The following GCSH variants were observed in gnomAD, a reference collection of about 807,000 sequenced individuals.
The protein encoded by GCSH is glycine cleavage system protein H, also known as glycine cleavage system H protein, mitochondrial.
Under a neutral mutation model 21.3 loss-of-function variants are expected in GCSH, and 15 were observed. The ratio of observed to expected loss-of-function variants is 0.70; its 90% confidence interval spans 0.47 to 1.08. GCSH has a LOEUF of 1.08. GCSH is among the 50% of genes least tolerant of loss of function. The pLI, the probability that GCSH is intolerant of heterozygous loss-of-function variation, is 0.00. For synonymous variants in GCSH, 59 were observed against 84.5 expected (o/e 0.70, Z 1.66); for missense variants, 179 against 217.5 (o/e 0.82, Z 1.11).
intron 4 of GCSH, chr16:81,084,032 G>C (rs1597163198): frequency 9.8e-6 from 2 of 204,160 alleles, no homozygotes; most frequent in East Asian, 1.2e-4. Context: ...GAGTGGAGTG[G>C]TGCGATCTTG....
chr16:81,096,039 G>A, intron 1 of GCSH, 92 bp downstream of exon 1: 1 of 1,085,200 alleles, frequency 9.2e-7, no homozygotes, highest in Non-Finnish European at 1.2e-6. Flanking sequence ...TGGCTCAGGA[G>A]CGGTGCCCCG....
intron 4 of GCSH, chr16:81,083,188 A>T: frequency 1.9e-6 from 1 of 535,296 alleles, no homozygotes; most frequent in Non-Finnish European, 3.4e-6. Flanking sequence ...TAAATTAAGA[A>T]CTCTTAGGTT....
intron 2 of GCSH, among the ~76,000 whole-genome samples, chr16:81,089,946 T>C (rs1247418812): frequency 6.6e-6 from 1 of 152,198 alleles, no homozygotes; most frequent in East Asian, 1.9e-4. Flanking sequence ...AATTGCCCAG[T>C]ACAAAACACA....
intron 1 of GCSH, 172 bp from the exon 2 acceptor site, chr16:81,090,852 C>T: frequency 1.5e-6 from 1 of 675,476 alleles, no homozygotes; most frequent in Admixed American, 2.1e-5. Context: ...AGAGATGACG[C>T]ATTTAAACAG....
chr16:81,084,961 C>T (rs775567755), intron 3 of GCSH, among the ~76,000 whole-genome samples: 20 of 149,972 alleles, frequency 1.3e-4, no homozygotes, highest in Non-Finnish European at 1.9e-4. Context: ...GTGATCCGCC[C>T]GCCTCGGCCT....
At chr16:81,091,937 T>C (rs577833147) in intron 1 of GCSH, among the ~76,000 whole-genome samples, 2 of 152,194 alleles carry the variant, frequency 1.3e-5, no homozygotes, top group South Asian at 2.1e-4. Flanking sequence ...TAATTCAATA[T>C]TGCTTTCTTT....
chr16:81,083,269 G>C (rs556854337), intron 4 of GCSH: 70 of 349,676 alleles, frequency 2.0e-4, no homozygotes, highest in African/African-American at 1.4e-3. Flanking sequence ...TGTAATCCCA[G>C]TACTTTGGGA....
Position 81,096,306 on chromosome 16 carries a change from C to G in GCSH, c.-28G>C. 7.4e-7 allele frequency: 1 copy of G among 1,355,692 alleles called. No homozygotes were observed. The highest frequency in any genetic ancestry group is 9.4e-7 in the Non-Finnish European group (1 of 1,059,972). 84.0% of individuals were successfully genotyped at this position (1,355,692 alleles called of 1,614,324 possible). On this transcript the variant is annotated 5_prime_UTR_variant, in exon 1 of 5. Transcript: ENST00000315467. ...TCGCAGGGGTGCGGGGGTCGCAGCGCTACGCCTCGGCCACCCGCGCCGGGA... is the reference window on the plus strand; with the variant it reads ...TCGCAGGGGTGCGGGGGTCGCAGCGGTACGCCTCGGCCACCCGCGCCGGGA...
At position 81,096,296 on chromosome 16, in the gene GCSH, G is replaced by C. The variant is rs758756468; in HGVS notation, c.-18C>G. On this transcript the variant is annotated 5_prime_UTR_variant, in exon 1 of 5. Coordinates refer to ENST00000315467, the MANE Select transcript of GCSH (RefSeq NM_004483.5). ...AGCGCCATGTTCGCAGGGGTGCGGG[G>C]GTCGCAGCGCTACGCCTCGGCCACC... The C allele has an allele frequency of 5.1e-6, 7 of 1,364,594 alleles. No individual in the cohort carries two copies. The highest frequency in any genetic ancestry group is 3.1e-5 in the East Asian group (1 of 32,054). 84.5% of individuals were successfully genotyped at this position (1,364,594 alleles called of 1,614,324 possible).
Position 81,090,684 on chromosome 16 carries a change from A to T in GCSH, c.149-4T>A. On this transcript the variant is annotated splice_region_variant and splice_polypyrimidine_tract_variant and intron_variant, in intron 1 of 4. Coordinates refer to ENST00000315467, the MANE Select transcript of GCSH (RefSeq NM_004483.5). ...TGTTTCTCTGTGAATTTACGCACTA[A>T]AACAGAAGACCAACATTTCAGAAAA... 1 of 1,600,502 alleles carries T rather than the reference A, an allele frequency of 6.2e-7. No homozygotes were observed. The highest frequency in any genetic ancestry group is 1.1e-5 in the South Asian group (1 of 90,844).
intron 2 of GCSH, among the ~76,000 whole-genome samples, chr16:81,088,828 C>T (rs1972335463): frequency 6.6e-6 from 1 of 152,214 alleles, no homozygotes; most frequent in Admixed American, 6.6e-5. Flanking sequence ...ATAGTCCTCA[C>T]ACCTTGTACT....
intron 2 of GCSH, among the ~76,000 whole-genome samples, chr16:81,089,310 G>T (rs897422591): frequency 6.6e-6 from 1 of 152,164 alleles, no homozygotes; most frequent in African/African-American, 2.4e-5. Context: ...AATCCAAAAC[G>T]CTCCAATGAG....
chr16:81,087,496 C>CAAAA (rs373753780), intron 3 of GCSH, 105 bp downstream of exon 3: 2 of 720,282 alleles, frequency 2.8e-6, no homozygotes, highest in Non-Finnish European at 2.3e-6. Context: ...AGACTGTCTC[C>CAAAA]AAAAAAAAAA....
chr16:81,091,105 A>C (rs1972389322), intron 1 of GCSH: 1 of 454,784 alleles, frequency 2.2e-6, no homozygotes, highest in Non-Finnish European at 4.4e-6. Flanking sequence ...GAAATGATTT[A>C]ACCTAAAAAA....
Position 81,082,169 on chromosome 16 carries a change from C to T in GCSH, c.*697G>A, listed in dbSNP as rs368473685. On this transcript the variant is annotated 3_prime_UTR_variant, in exon 5 of 5. Transcript: ENST00000315467. ...GTGACAGATCTTGGCTTAAGAAAAA[C>T]CAGATTTGTGACTAAAGAAAACATT... 2.2e-6 allele frequency: 1 copy of T among 454,010 alleles called. No individual in the cohort carries two copies. Among genetic ancestry groups the T allele is most frequent in the Admixed American group, 2.4e-5 (1 of 42,542 alleles). The allele number at this position is 454,010 out of a possible 1,614,324, so 28.1% of individuals were successfully genotyped here. A position where few individuals can be genotyped will look rare whatever the true frequency, so the allele number is the denominator to read the frequency against.
At chr16:81,088,770 T>C (rs548123699) in intron 2 of GCSH, among the ~76,000 whole-genome samples, 8 of 152,244 alleles carry the variant, frequency 5.3e-5, no homozygotes, top group South Asian at 2.1e-4. Context: ...ATGTACACCA[T>C]TGCCCCCAAA....
In GCSH at chr16:81,082,606, C is replaced by T. The variant is rs1255385480; in HGVS notation, c.*260G>A. ...TGTAATTTTTATAACTAGTTTTTAC[C>T]ATGGATAATTTCATGAATTCTGAAC... On this transcript the variant is annotated 3_prime_UTR_variant, in exon 5 of 5. Transcript: ENST00000315467. 4 of 367,194 alleles carry T rather than the reference C, an allele frequency of 1.1e-5. No homozygotes were observed. Among genetic ancestry groups the T allele is most frequent in the Non-Finnish European group, 2.0e-5 (4 of 204,934 alleles). 22.7% of individuals were successfully genotyped at this position (367,194 alleles called of 1,614,324 possible). A position where few individuals can be genotyped will look rare whatever the true frequency, so the allele number is the denominator to read the frequency against.
intron 4 of GCSH, chr16:81,083,218 G>C: frequency 2.1e-6 from 1 of 479,576 alleles, no homozygotes; most frequent in Admixed American, 3.4e-5. Context: ...ATCAGAAAAT[G>C]ACATTTAAAT....
In GCSH at chr16:81,082,113, A is replaced by G. The variant is rs1370869302; in HGVS notation, c.*753T>C. 2 of 454,102 alleles carry G rather than the reference A, an allele frequency of 4.4e-6. No individual in the cohort carries two copies. Among genetic ancestry groups the G allele is most frequent in the Non-Finnish European group, 8.8e-6 (2 of 226,794 alleles). The allele number at this position is 454,102 out of a possible 1,614,324, so 28.1% of individuals were successfully genotyped here. On this transcript the variant is annotated 3_prime_UTR_variant, in exon 5 of 5. Coordinates refer to ENST00000315467, the MANE Select transcript of GCSH (RefSeq NM_004483.5). The stretch of plus-strand genomic sequence containing the variant: ...CAGACCTCGCATGATAGAAAATCAA[A>G]GTTGGTGATTTATTTTTTATTATGT...
Sources: allele counts gnomAD v4.1 joint callset (sites outside exome capture counted in the v4.1 genomes callset), GRCh38; gene constraint gnomAD v4.1.1; transcripts MANE v1.5; gene names NCBI Gene and HGNC (gene_info 2026-07-23, HGNC 2026-07-21).